TRPC1: variants seen among roughly 807,000 people sequenced by gnomAD.
TRPC1 encodes the protein transient receptor potential cation channel subfamily C member 1, also known as short transient receptor potential channel 1.
A neutral mutation model predicts 88.2 loss-of-function variants in TRPC1; 42 were observed. The ratio of observed to expected loss-of-function variants is 0.48; its 90% CI spans 0.37 to 0.62. TRPC1 has a LOEUF of 0.62. Ranked by LOEUF, TRPC1 falls within the 20% of genes least tolerant of loss-of-function variation. The pLI is 0.00. For missense variants in TRPC1, 699 were observed against 957.3 expected (o/e 0.73, Z 3.56); for synonymous variants, 288 against 331.8 (o/e 0.87, Z 1.43).
chr3:142,753,792 C>T (rs1038553525), intron 4 of TRPC1, among the ~76,000 whole-genome samples: 1 of 149,410 alleles, frequency 6.7e-6, no homozygotes, highest in Non-Finnish European at 1.5e-5. Context: ...AGCCAATATA[C>T]TGGCAGTAAG....
chr3:142,773,247 G>T (rs1935638513), intron 4 of TRPC1, among the ~76,000 whole-genome samples: 1 of 151,560 alleles, frequency 6.6e-6, no homozygotes, highest in Non-Finnish European at 1.5e-5. Context: ...GAGTCTCGCT[G>T]TGTTGCCCAT....
At chr3:142,787,051 A>G (rs997844349) in intron 7 of TRPC1, among the ~76,000 whole-genome samples, 9 of 152,218 alleles carry the variant, frequency 5.9e-5, no homozygotes, top group African/African-American at 2.2e-4. Context: ...GTTTTCAATG[A>G]TATTACACGT....
chr3:142,791,257 C>A, intron 8 of TRPC1, 99 bp downstream of exon 8: 2 of 1,080,756 alleles, frequency 1.9e-6, no homozygotes, highest in Middle Eastern at 2.6e-4. Flanking sequence ...TGAGCCAGAT[C>A]AGTGTCTGGT....
chr3:142,755,240 T>A (rs1934915302), intron 4 of TRPC1, among the ~76,000 whole-genome samples: 2 of 152,060 alleles, frequency 1.3e-5, no homozygotes, highest in Non-Finnish European at 2.9e-5. Flanking sequence ...CTGGCCAACA[T>A]GGTGAAAACC....
intron 1 of TRPC1, among the ~76,000 whole-genome samples, chr3:142,735,988 G>A (rs1260266717): frequency 6.6e-6 from 1 of 151,542 alleles, no homozygotes; most frequent in East Asian, 1.9e-4. Context: ...GTATATTTGA[G>A]GTATAAAACT....
At chr3:142,791,293 G>A (rs957330570) in intron 8 of TRPC1, 135 bp downstream of exon 8, 13 of 693,672 alleles carry the variant, frequency 1.9e-5, no homozygotes, top group Admixed American at 3.8e-5. Flanking sequence ...GCCTATCTGT[G>A]TGCACATAGT....
At chr3:142,803,521 G>A (rs566992553) in intron 10 of TRPC1, among the ~76,000 whole-genome samples, 19 of 152,016 alleles carry the variant, frequency 1.2e-4, no homozygotes, top group African/African-American at 4.6e-4. Flanking sequence ...TTTGAGCAGA[G>A]GTGTGACAAA....
chr3:142,783,431 A>G (rs1375946360), intron 6 of TRPC1, among the ~76,000 whole-genome samples: 1 of 152,242 alleles, frequency 6.6e-6, no homozygotes, highest in Non-Finnish European at 1.5e-5. Flanking sequence ...TAACATACAC[A>G]CATCTTCCCA....
chr3:142,761,653 A>C (rs923210119), intron 4 of TRPC1, among the ~76,000 whole-genome samples: 2 of 152,060 alleles, frequency 1.3e-5, no homozygotes, highest in Non-Finnish European at 2.9e-5. Context: ...GGTTGGTATT[A>C]GTTTTCTTGA....
chr3:142,798,010 A>T (rs571722768), intron 9 of TRPC1, among the ~76,000 whole-genome samples: 3 of 152,102 alleles, frequency 2.0e-5, no homozygotes, highest in Non-Finnish European at 2.9e-5. Flanking sequence ...TGTATATTAG[A>T]GTTAGAGAAA....
In TRPC1 at chr3:142,763,753, C is replaced by T. The variant is rs534821156; in HGVS notation, c.633-13879C>T. ...TCCTTGTTTTGAGAATTCTCTTTTC[C>T]TTTTTTTGTTTCTTATTGTCTTCCT... is the stretch of plus-strand genomic sequence containing the variant. On this transcript the variant is annotated intron_variant, in intron 4 of 12. Transcript: ENST00000476941. Among the ~76,000 whole-genome samples the T allele has an allele frequency of 3.0e-4, 45 of 151,268 alleles. No homozygotes were observed. In the East Asian group the frequency reaches 8.8e-3, roughly 29 times the overall value.
rs114017681 is a variant in TRPC1 at position 142,769,259 on chromosome 3, A to G, written c.633-8373A>G. Among the ~76,000 whole-genome samples, 456 of 152,312 alleles carry G rather than the reference A, an allele frequency of 3.0e-3. 2 individuals are homozygous for G. The highest frequency in any genetic ancestry group is 7.9e-3 in the African/African-American group (330 of 41,580). On this transcript the variant is annotated intron_variant, in intron 4 of 12. Transcript: ENST00000476941. ...CCACAGTCAATTTTAAAACATTTTT[A>G]TCACCTTATAAAGAACCCTCATACC...
At chr3:142,730,148 C>G (rs1933843195) in intron 1 of TRPC1, among the ~76,000 whole-genome samples, 1 of 152,262 alleles carries the variant, frequency 6.6e-6, no homozygotes, top group South Asian at 2.1e-4. Context: ...AAACAACTTA[C>G]AGCAGCATTG....
intron 4 of TRPC1, among the ~76,000 whole-genome samples, chr3:142,749,873 A>G (rs1934692537): frequency 6.6e-6 from 1 of 152,180 alleles, no homozygotes; most frequent in African/African-American, 2.4e-5. Context: ...AGCCATATGC[A>G]GAAAACTGAA....
At chr3:142,753,459 G>A (rs1934848398) in intron 4 of TRPC1, among the ~76,000 whole-genome samples, 2 of 152,064 alleles carry the variant, frequency 1.3e-5, no homozygotes, top group Non-Finnish European at 2.9e-5. Context: ...AGAAGAAAAG[G>A]AGGTTAACAA....
rs1263868177 is a variant in TRPC1 at position 142,743,616 on chromosome 3, G to T, written c.429+30G>T. 5 of 1,393,338 alleles carry T rather than the reference G, an allele frequency of 3.6e-6. No homozygotes were observed. In the Admixed American group the frequency reaches 9.2e-5, roughly 26 times the overall value. 86.3% of individuals were successfully genotyped at this position (1,393,338 alleles called of 1,614,324 possible). On this transcript the variant is annotated intron_variant, in intron 3 of 12. Coordinates refer to ENST00000476941, the MANE Select transcript of TRPC1 (RefSeq NM_001251845.2). ...GTACTCTTAAATATTTATTAATTTGGATTTTTAAACCAAAATAGATCTCTT... is the reference window on the plus strand; with the variant it reads ...GTACTCTTAAATATTTATTAATTTGTATTTTTAAACCAAAATAGATCTCTT...
At chr3:142,755,365 C>T (rs910594895) in intron 4 of TRPC1, among the ~76,000 whole-genome samples, 3 of 152,076 alleles carry the variant, frequency 2.0e-5, no homozygotes, top group African/African-American at 7.2e-5. Flanking sequence ...GCAGAGGTTG[C>T]GGTGAGTCAA....
intron 9 of TRPC1, among the ~76,000 whole-genome samples, chr3:142,797,916 A>T (rs980631401): frequency 3.3e-5 from 5 of 152,082 alleles, no homozygotes; most frequent in African/African-American, 4.8e-5. Context: ...TATCAGATTT[A>T]ATTTAGTAGC....
At chr3:142,758,340 C>A (rs1050090769) in intron 4 of TRPC1, among the ~76,000 whole-genome samples, 1 of 152,060 alleles carries the variant, frequency 6.6e-6, no homozygotes, top group African/African-American at 2.4e-5. Context: ...AACTGGAGTG[C>A]GATGATACTG....
Sources: allele counts gnomAD v4.1 joint callset (sites outside exome capture counted in the v4.1 genomes callset), GRCh38; gene constraint gnomAD v4.1.1; transcripts MANE v1.5; gene names NCBI Gene and HGNC (gene_info 2026-07-23, HGNC 2026-07-21).